The following KIF5C variants were observed in gnomAD, a reference collection of about 807,000 sequenced individuals.
The protein encoded by KIF5C is kinesin family member 5C.
A neutral mutation model predicts 125.2 loss-of-function variants in KIF5C; 18 were observed. The observed-to-expected ratio is 0.14, with a 90% confidence interval of 0.10 to 0.21. The LOEUF (loss-of-function observed/expected upper bound fraction) is 0.21, where lower values mean the gene tolerates loss of function less well. Among genes scored for constraint, KIF5C ranks in the 10% least tolerant of loss-of-function variants. KIF5C has a pLI of 1.00. For synonymous variants in KIF5C, 405 were observed against 434.0 expected, an observed-to-expected ratio of 0.93 and a Z score of 0.83; for missense variants, 780 against 1,183.8, an observed-to-expected ratio of 0.66 and a Z score of 5.01.
intron 17 of KIF5C, among the ~76,000 whole-genome samples, chr2:148,996,109 C>G (rs892497862): frequency 6.6e-6 from 1 of 152,070 alleles, no homozygotes; most frequent in Non-Finnish European, 1.5e-5. Flanking sequence ...GAGCCGATAT[C>G]GTGGCACTGC....
At chr2:148,938,740 A>T (rs1430662140) in intron 4 of KIF5C, among the ~76,000 whole-genome samples, 1 of 152,050 alleles carries the variant, frequency 6.6e-6, no homozygotes, top group Non-Finnish European at 1.5e-5. Context: ...TCAGGCTGGG[A>T]TCTTAGTGCA....
chr2:148,983,536 C>T lies in KIF5C; in HGVS notation c.1570-84C>T. 2.1e-6 allele frequency: 3 copies of T among 1,422,554 alleles called. No individual in the cohort carries two copies. The East Asian group carries it at 7.1e-5, about 34-fold the overall frequency. 88.1% of individuals were successfully genotyped at this position (1,422,554 alleles called of 1,614,324 possible). ...AGTCATGTAAAAGAAATCCATTCTACATGATGGTGTTATTCTTTGTAATGT... is the reference window on the plus strand; with the variant it reads ...AGTCATGTAAAAGAAATCCATTCTATATGATGGTGTTATTCTTTGTAATGT... On this transcript the variant is annotated intron_variant, in intron 14 of 25. Transcript: ENST00000435030.
At chr2:148,933,986 C>T (rs1682231882) in intron 3 of KIF5C, among the ~76,000 whole-genome samples, 1 of 151,538 alleles carries the variant, frequency 6.6e-6, no homozygotes, top group African/African-American at 2.4e-5. Flanking sequence ...ACATACCACA[C>T]ACCCTTCCAC....
rs1188159876 is a variant in KIF5C, at chr2:148,999,268, A to G, written c.2210+759A>G. ...CCCACCCCCACCCCACCCAGGGTCTACACTGTTCCCTCCCCTCCCGCTTTC... is the reference window on the plus strand; with the variant it reads ...CCCACCCCCACCCCACCCAGGGTCTGCACTGTTCCCTCCCCTCCCGCTTTC... On this transcript the variant is annotated intron_variant, in intron 19 of 25. Coordinates refer to ENST00000435030, the MANE Select transcript of KIF5C (RefSeq NM_004522.3). Among the ~76,000 whole-genome samples, 2 of 125,310 alleles carry G rather than the reference A, an allele frequency of 1.6e-5. 1 individual carries two copies. Among genetic ancestry groups the G allele is most frequent in the African/African-American group, 6.1e-5 (2 of 32,592 alleles). 82.2% of individuals were successfully genotyped at this position (125,310 alleles called of 152,430 possible). A position where few individuals can be genotyped will look rare whatever the true frequency, so the allele number is the denominator to read the frequency against.
At chr2:148,947,269 T>G in intron 8 of KIF5C, 10 of 463,570 alleles carry the variant, frequency 2.2e-5, no homozygotes, top group Non-Finnish European at 3.3e-5. Context: ...GATGGGCCCT[T>G]ATGATGATAT....
intron 22 of KIF5C, among the ~76,000 whole-genome samples, chr2:149,006,328 G>C (rs745640548): frequency 6.6e-6 from 1 of 152,166 alleles, no homozygotes; most frequent in Non-Finnish European, 1.5e-5. Flanking sequence ...GGATGTATTA[G>C]ATAGGCTTGC....
chr2:148,886,629 C>T lies in KIF5C; in HGVS notation c.126+10886C>T, dbSNP rs189038505. On this transcript the variant is annotated intron_variant, in intron 1 of 25. Coordinates refer to ENST00000435030, the MANE Select transcript of KIF5C (RefSeq NM_004522.3). ...AGGGGAGGCTTCTGGCACTGGGTCC[C>T]TGGTACTAATGTCATCATGATAGCA... Among the ~76,000 whole-genome samples the T allele has an allele frequency of 6.6e-5, 10 of 152,238 alleles. No individual in the cohort carries two copies. The East Asian group carries it at 1.9e-3, about 29-fold the overall frequency.
chr2:149,000,323 G>A lies in KIF5C; in HGVS notation c.2211-100G>A, dbSNP rs377153469. On this transcript the variant is annotated intron_variant, in intron 19 of 25. Coordinates refer to ENST00000435030, the MANE Select transcript of KIF5C (RefSeq NM_004522.3). ...ATCCTGCAGAATTACTGCCTTTATT[G>A]TACAGAGCTAATAGGGTTGGAACAG... 10 of 1,414,670 alleles carry A rather than the reference G, an allele frequency of 7.1e-6. No individual in the cohort carries two copies. In the East Asian group the frequency reaches 2.3e-4, roughly 32 times the overall value. The allele number at this position is 1,414,670 out of a possible 1,614,324, so 87.6% of individuals were successfully genotyped here. A position where few individuals can be genotyped will look rare whatever the true frequency, so the allele number is the denominator to read the frequency against.
rs1352115135 is a variant in KIF5C, at chr2:149,000,439, C to A, written c.2227C>A (p.Gln743Lys). 2 of 1,583,122 alleles carry A rather than the reference C, an allele frequency of 1.3e-6. No homozygotes were observed. The highest frequency in any genetic ancestry group is 1.7e-6 in the Non-Finnish European group (2 of 1,160,182). ...DEIRDLNQKLQLEQEKLSSDY... is the reference protein window; with the variant it reads ...DEIRDLNQKLKLEQEKLSSDY... ...CAATTTCAGTTTGAATCAGAAACTG[C>A]AACTGGAACAGGAGAAGCTTAGTTC... is the stretch of plus-strand genomic sequence containing the variant. Residue 743 changes from glutamine (Q) to lysine (K), a missense_variant, in exon 20 of 26, where the codon CAA becomes AAA. Coordinates refer to ENST00000435030, the MANE Select transcript of KIF5C (RefSeq NM_004522.3).
chr2:148,967,933 C>T (rs1680787883), intron 11 of KIF5C, among the ~76,000 whole-genome samples: 1 of 152,122 alleles, frequency 6.6e-6, no homozygotes, highest in African/African-American at 2.4e-5. Context: ...CCTCCCAATC[C>T]ATCAGGAAAA....
chr2:148,973,966 A>G (rs1680990877), intron 12 of KIF5C, among the ~76,000 whole-genome samples: 1 of 152,210 alleles, frequency 6.6e-6, no homozygotes, highest in Admixed American at 6.5e-5. Context: ...GGGATGAGAA[A>G]TCGATAGCAG....
intron 3 of KIF5C, among the ~76,000 whole-genome samples, chr2:148,930,904 C>G (rs919789846): frequency 2.0e-5 from 3 of 152,192 alleles, no homozygotes; most frequent in African/African-American, 7.2e-5. Context: ...TATCCTCACG[C>G]TCCTGTCCCG....
chr2:148,897,465 A>G (rs2105052446), intron 1 of KIF5C, among the ~76,000 whole-genome samples: 1 of 152,298 alleles, frequency 6.6e-6, no homozygotes, highest in East Asian at 1.9e-4. Flanking sequence ...TGCTCAGCTC[A>G]ATGCTCCACC....
chr2:148,877,673 C>G (rs1029245409), intron 1 of KIF5C, among the ~76,000 whole-genome samples: 13 of 152,058 alleles, frequency 8.5e-5, no homozygotes, highest in Admixed American at 6.6e-4. Flanking sequence ...TTCTGGCAAC[C>G]CTATTTTTTT....
chr2:148,944,838 GC>G (rs1362972355), intron 7 of KIF5C, among the ~76,000 whole-genome samples: 1 of 151,948 alleles, frequency 6.6e-6, no homozygotes, highest in African/African-American at 2.4e-5. Flanking sequence ...TTTTATAATA[GC>G]CATCCAAATG....
chr2:148,941,186 G>A lies in KIF5C; in HGVS notation c.397-424G>A, dbSNP rs376870188. Reference sequence around the variant, plus strand: ...GAGCTCTTGTAGTTCTAAACACACTGCCCTTGCCCTCTCCTGGCTTCTTGC... The same window carrying A: ...GAGCTCTTGTAGTTCTAAACACACTACCCTTGCCCTCTCCTGGCTTCTTGC... On this transcript the variant is annotated intron_variant, in intron 4 of 25. Transcript: ENST00000435030. 3.9e-5 allele frequency among the ~76,000 whole-genome samples: 6 copies of A among 152,274 alleles called. No individual in the cohort carries two copies. The East Asian group carries it at 1.2e-3, about 29-fold the overall frequency.
chr2:148,918,467 A>G (rs977463001), intron 1 of KIF5C, among the ~76,000 whole-genome samples: 2 of 152,224 alleles, frequency 1.3e-5, no homozygotes, highest in African/African-American at 4.8e-5. Context: ...AATTCAGGTA[A>G]TGTAATAGAG....
At chr2:148,932,556 CCAGCTCCAGCTGAGGAA>C (rs1682204376) in intron 3 of KIF5C, among the ~76,000 whole-genome samples, 1 of 152,172 alleles carries the variant, frequency 6.6e-6, no homozygotes, top group Non-Finnish European at 1.5e-5. Context: ...ACAGGGGGTT[CCAGCTCCAGCTGAGGAA>C]AAAGAGACTG....
intron 3 of KIF5C, among the ~76,000 whole-genome samples, chr2:148,936,364 G>A (rs1245081874): frequency 1.3e-5 from 2 of 152,222 alleles, no homozygotes; most frequent in East Asian, 3.8e-4. Flanking sequence ...CCTGCAGACT[G>A]TGTGTTTGTT....
Sources: gnomAD v4.1 joint callset for allele counts (sites outside exome capture counted in the v4.1 genomes callset) on GRCh38, gnomAD v4.1.1 for gene constraint, MANE v1.5 for transcripts, NCBI Gene and HGNC (gene_info 2026-07-23, HGNC 2026-07-21) for gene names.